Variants in SRSF11 observed in about 807,000 individuals in gnomAD.
SRSF11 encodes serine/arginine-rich splicing factor 11.
Under a neutral mutation model 56.0 loss-of-function variants are expected in SRSF11, and 9 were observed. The observed-to-expected ratio is 0.16, with a 90% confidence interval of 0.10 to 0.28. The LOEUF (loss-of-function observed/expected upper bound fraction) is 0.28, where lower values mean the gene tolerates loss of function less well. Among genes scored for constraint, SRSF11 ranks in the 10% least tolerant of loss-of-function variants. The probability of loss-of-function intolerance (pLI) is 1.00; values close to 1 mark genes in which losing one functional copy is unlikely to be tolerated. For synonymous variants in SRSF11, 222 were observed against 215.3 expected, an observed-to-expected ratio of 1.03 and a Z score of -0.27; for missense variants, 421 against 600.7, an observed-to-expected ratio of 0.70 and a Z score of 3.13.
intron 9 of SRSF11, 81 bp downstream of exon 9, chr1:70,246,988 C>T: frequency 7.9e-7 from 1 of 1,270,310 alleles, no homozygotes; most frequent in Middle Eastern, 1.9e-4. Context: ...AGTATGAAGT[C>T]TTTTCCAGAA....
At chr1:70,217,755 T>C (rs559223954), upstream of SRSF11, among the ~76,000 whole-genome samples, 1 of 152,318 alleles carries the variant, frequency 6.6e-6, no homozygotes, top group South Asian at 2.1e-4. Flanking sequence ...TTGGTTATAT[T>C]TATTTGCTTT....
upstream of SRSF11, among the ~76,000 whole-genome samples, chr1:70,217,768 T>C (rs1490114784): frequency 6.6e-6 from 1 of 152,232 alleles, no homozygotes; most frequent in Non-Finnish European, 1.5e-5. Context: ...TTTGCTTTAA[T>C]ATATCTGTCA....
At chr1:70,223,164 A>G (rs1671027581) in intron 1 of SRSF11, among the ~76,000 whole-genome samples, 1 of 152,206 alleles carries the variant, frequency 6.6e-6, no homozygotes, top group Admixed American at 6.5e-5. Flanking sequence ...TGTAAAATTA[A>G]TGAACAGTAA....
At chr1:70,230,521 T>C (rs1440711117) in intron 2 of SRSF11, 1 of 1,253,696 alleles carries the variant, frequency 8.0e-7, no homozygotes, top group Non-Finnish European at 1.0e-6. Flanking sequence ...TTCTTTTGTC[T>C]GTTTCTTTTT....
chr1:70,219,451 T>A (rs1488779339), upstream of SRSF11, among the ~76,000 whole-genome samples: 1 of 152,226 alleles, frequency 6.6e-6, no homozygotes, highest in Non-Finnish European at 1.5e-5. Context: ...GTGTAAATAG[T>A]TGTTAGACAA....
intron 9 of SRSF11, 57 bp from the exon 10 acceptor site, chr1:70,249,895 T>G (rs1239140593): frequency 6.5e-7 from 1 of 1,545,968 alleles, no homozygotes; most frequent in Non-Finnish European, 8.9e-7. Context: ...ATGATGTGTC[T>G]GCATTTTTAA....
intron 3 of SRSF11, among the ~76,000 whole-genome samples, chr1:70,234,283 C>T (rs897117828): frequency 2.6e-5 from 4 of 152,068 alleles, no homozygotes; most frequent in African/African-American, 7.2e-5. Flanking sequence ...GTCCTGCCTC[C>T]GGTAGCACAA....
At chr1:70,214,806 T>A (rs939636269) in intron 1 of SRSF11, among the ~76,000 whole-genome samples, 3 of 151,720 alleles carry the variant, frequency 2.0e-5, no homozygotes, top group African/African-American at 7.3e-5. Context: ...TTAATATTTA[T>A]AAAATTGTGT....
In SRSF11 at chr1:70,244,702, G is replaced by A. The variant is rs373422969; in HGVS notation, c.819G>A (p.Ser273=). The A allele has an allele frequency of 1.1e-5, 18 of 1,613,930 alleles. No homozygotes were observed. Among genetic ancestry groups the A allele is most frequent in the East Asian group, 4.5e-5 (2 of 44,894 alleles). ...CTATTAGGCGGTCAAGAAGCAGATC[G>A]AGACGGCGGTCACATTCTAAGTCTA... ...SSRHRRSRSR[S]RRRSHSKSRS... Residue 273 remains serine, a synonymous_variant, in exon 8 of 12, where the codon TCG becomes TCA. Transcript: ENST00000370949.
At chr1:70,244,216 TTTATGGAC>T (rs1676211305) in intron 7 of SRSF11, among the ~76,000 whole-genome samples, 3 of 152,214 alleles carry the variant, frequency 2.0e-5, no homozygotes, top group African/African-American at 7.2e-5. Flanking sequence ...TGGCATTTAC[TTTATGGAC>T]TTACGAGACC....
rs1162346501 is a variant in SRSF11 at position 70,221,508 on chromosome 1, C to T, written c.-129C>T. ...ACGGCGGCGGCGGCGGCGGCATCGG[C>T]AGCAGTAGCAGAGGCTGTAGCATCG... On this transcript the variant is annotated 5_prime_UTR_variant, in exon 1 of 12. Transcript: ENST00000370949. The T allele has an allele frequency of 3.1e-6, 4 of 1,280,702 alleles. No homozygotes were observed. The highest frequency in any genetic ancestry group is 4.2e-6 in the Non-Finnish European group (4 of 946,204). 79.3% of individuals were successfully genotyped at this position (1,280,702 alleles called of 1,614,324 possible).
chr1:70,212,415 C>T (rs1159183821), intron 1 of SRSF11, among the ~76,000 whole-genome samples: 1 of 152,096 alleles, frequency 6.6e-6, no homozygotes, highest in East Asian at 1.9e-4. Flanking sequence ...CACCACCACA[C>T]CCGGCTAATT....
intron 1 of SRSF11, among the ~76,000 whole-genome samples, chr1:70,226,361 A>G (rs1478977276): frequency 6.6e-6 from 1 of 152,200 alleles, no homozygotes; most frequent in Non-Finnish European, 1.5e-5. Context: ...GTACCCTACC[A>G]TCACTTAACA....
At chr1:70,218,222 C>G (rs944640822), upstream of SRSF11, among the ~76,000 whole-genome samples, 5 of 152,188 alleles carry the variant, frequency 3.3e-5, no homozygotes, top group African/African-American at 9.7e-5. Flanking sequence ...CCCGCCTTGG[C>G]CTCCCAAAGT....
Position 70,250,785 on chromosome 1 carries a change from G to A in SRSF11, c.1435G>A (p.Asp479Asn). ...KVNGDDHHEE[D>N]MDMSD is the part of the protein sequence containing the mutation. ...GAATGGGGATGATCATCATGAAGAA[G>A]ACATGGATATGAGTGACTGAATATT... Residue 479 changes from aspartate (D) to asparagine (N), a missense_variant, in exon 12 of 12, where the codon GAC becomes AAC. Asp to Asn is a conservative substitution (Grantham distance 23, BLOSUM62 1). Transcript: ENST00000370949. 2 of 1,613,950 alleles carry A rather than the reference G, an allele frequency of 1.2e-6. No homozygotes were observed. The highest frequency in any genetic ancestry group is 1.7e-6 in the Non-Finnish European group (2 of 1,179,916).
rs1677875777 is a variant in SRSF11, at chr1:70,251,023, A to G, written c.*218A>G. ...TTCTTGTCATGGTGAAATCTGATTG[A>G]GTAACCAAGCAGTTTTACTATTCTG... On this transcript the variant is annotated 3_prime_UTR_variant, in exon 12 of 12. Coordinates refer to ENST00000370949, the MANE Select transcript of SRSF11 (RefSeq NM_001350605.2). 2.0e-6 allele frequency: 1 copy of G among 489,148 alleles called. No homozygotes were observed. The highest frequency in any genetic ancestry group is 3.5e-5 in the Admixed American group (1 of 28,750). The allele number at this position is 489,148 out of a possible 1,614,324, so 30.3% of individuals were successfully genotyped here. A position where few individuals can be genotyped will look rare whatever the true frequency, so the allele number is the denominator to read the frequency against.
At chr1:70,229,088 G>T in intron 2 of SRSF11, 1 of 1,131,590 alleles carries the variant, frequency 8.8e-7, no homozygotes, top group Non-Finnish European at 1.1e-6. Context: ...TAGCTTAGGT[G>T]CCAAATGGGC....
Position 70,245,469 on chromosome 1 carries a change from G to C in SRSF11, c.932+654G>C, listed in dbSNP as rs556189624. On this transcript the variant is annotated intron_variant, in intron 8 of 11. Transcript: ENST00000370949. ...GGGCTTTTAGTCCTTATGTGCTGCA[G>C]AGTGAATCAAACAAGGTAGATTAAT... 2.0e-4 allele frequency among the ~76,000 whole-genome samples: 31 copies of C among 152,280 alleles called. 1 individual carries two copies. In the East Asian group the frequency reaches 6.0e-3, roughly 29 times the overall value.
intron 7 of SRSF11, among the ~76,000 whole-genome samples, chr1:70,243,030 ATTAAAG>A (rs1675847379): frequency 6.6e-6 from 1 of 152,192 alleles, no homozygotes; most frequent in South Asian, 2.1e-4. Context: ...AGAGATTAAA[ATTAAAG>A]TTAATTGAGT....
Sources: gnomAD v4.1 joint callset for allele counts (sites outside exome capture counted in the v4.1 genomes callset) on GRCh38, gnomAD v4.1.1 for gene constraint, MANE v1.5 for transcripts, NCBI Gene and HGNC (gene_info 2026-07-23, HGNC 2026-07-21) for gene names.